DUXA: variants seen among roughly 807,000 people sequenced by gnomAD.
DUXA encodes the protein double homeobox A, also known as double homeobox protein A.
DUXA carries 25 observed loss-of-function variants against 27.5 expected under a neutral mutation model. That is an observed-to-expected ratio of 0.91 (90% CI 0.66 to 1.27). The LOEUF is 1.27. Among genes scored for constraint, DUXA ranks in the 50% most tolerant of loss-of-function variants. The pLI is 0.00. For synonymous variants in DUXA, 90 were observed against 80.5 expected (o/e 1.12, Z -0.63); for missense variants, 247 against 242.9 (o/e 1.02, Z -0.11).
rs528250904 is a variant in DUXA at position 57,161,449 on chromosome 19, C to T, written c.26-652G>A. Among the ~76,000 whole-genome samples, 755 of 149,850 alleles carry T rather than the reference C, an allele frequency of 5.0e-3. 20 individuals carry two copies. The highest frequency in any genetic ancestry group is 0.017 in the African/African-American group (690 of 39,976). ...CCATCCTGGCTAACATGATGAAACC[C>T]CGTCTCTACTAAAAATACAAAAAAT... is the stretch of plus-strand genomic sequence containing the variant. On this transcript the variant is annotated intron_variant, in intron 1 of 5. Coordinates refer to ENST00000554048, the MANE Select transcript of DUXA (RefSeq NM_001012729.2).
At chr19:57,161,558 G>A (rs1266863815) in intron 1 of DUXA, among the ~76,000 whole-genome samples, 5 of 151,180 alleles carry the variant, frequency 3.3e-5, no homozygotes, top group African/African-American at 4.9e-5. Flanking sequence ...GGGAGGCGGA[G>A]CTTGCAGTGA....
Position 57,167,465 on chromosome 19 carries a change from C to T in DUXA, c.-22G>A. The T allele has an allele frequency of 6.2e-7, 1 of 1,612,584 alleles. No individual in the cohort carries two copies. Among genetic ancestry groups the T allele is most frequent in the East Asian group, 2.2e-5 (1 of 44,814 alleles). On this transcript the variant is annotated 5_prime_UTR_variant, in exon 1 of 6. Coordinates refer to ENST00000554048, the MANE Select transcript of DUXA (RefSeq NM_001012729.2). Reference sequence around the variant, plus strand: ...CCATGCTGGAAGAGAGTCCTGAAGGCTGAGCCACTGTCTGGGAGACAAGTC... The same window carrying T: ...CCATGCTGGAAGAGAGTCCTGAAGGTTGAGCCACTGTCTGGGAGACAAGTC...
chr19:57,162,893 C>A (rs1044543774), intron 1 of DUXA, among the ~76,000 whole-genome samples: 1 of 151,984 alleles, frequency 6.6e-6, no homozygotes, highest in African/African-American at 2.4e-5. Context: ...CTGTATTTCA[C>A]TGAAGGGGGA....
At chr19:57,163,204 T>C (rs191858229) in intron 1 of DUXA, among the ~76,000 whole-genome samples, 1 of 152,124 alleles carries the variant, frequency 6.6e-6, no homozygotes, top group Non-Finnish European at 1.5e-5. Flanking sequence ...ATCACCTTGC[T>C]CAGGTCTCAG....
intron 1 of DUXA, among the ~76,000 whole-genome samples, chr19:57,162,877 G>A (rs948878395): frequency 1.3e-5 from 2 of 151,854 alleles, no homozygotes; most frequent in African/African-American, 2.4e-5. Flanking sequence ...CCTGGCCCCT[G>A]GTCCACTGTA....
rs769286062 is a variant in DUXA at position 57,159,294 on chromosome 19, A to T, written c.181-16T>A. The T allele has an allele frequency of 1.2e-6, 2 of 1,607,620 alleles. No homozygotes were observed. Among genetic ancestry groups the T allele is most frequent in the East Asian group, 2.2e-5 (1 of 44,864 alleles). On this transcript the variant is annotated splice_polypyrimidine_tract_variant and intron_variant, in intron 2 of 5. Transcript: ENST00000554048. ...GAAACCAAATCTAAGTGAGGAAAAGAAAAGGAGAGAATTACGTGTTAATGT... is the reference window on the plus strand; with the variant it reads ...GAAACCAAATCTAAGTGAGGAAAAGTAAAGGAGAGAATTACGTGTTAATGT...
chr19:57,154,179 T>C lies in DUXA; in HGVS notation c.*233A>G. The C allele has an allele frequency of 4.4e-6, 2 of 453,928 alleles. No homozygotes were observed. Among genetic ancestry groups the C allele is most frequent in the South Asian group, 2.5e-5 (1 of 39,374 alleles). The allele number at this position is 453,928 out of a possible 1,614,324, so 28.1% of individuals were successfully genotyped here. ...TTGTTTTTTTATAATAGAGGCAGAG[T>C]CTTGCTATATGTTGTCCAGGCTGGT... On this transcript the variant is annotated 3_prime_UTR_variant, in exon 6 of 6. Coordinates refer to ENST00000554048, the MANE Select transcript of DUXA (RefSeq NM_001012729.2).
chr19:57,164,035 G>C (rs2087038271), intron 1 of DUXA, among the ~76,000 whole-genome samples: 1 of 152,078 alleles, frequency 6.6e-6, no homozygotes, highest in South Asian at 2.1e-4. Flanking sequence ...GGGCAACATA[G>C]TGAGACACCA....
intron 1 of DUXA, among the ~76,000 whole-genome samples, chr19:57,161,427 T>C (rs572637772): frequency 2.7e-5 from 4 of 146,150 alleles, no homozygotes; most frequent in African/African-American, 5.2e-5. Context: ...ATCGAGACCA[T>C]CCTGGCTAAC....
At position 57,160,777 on chromosome 19, in the gene DUXA, T is replaced by C. The variant is rs2087016722; in HGVS notation, c.46A>G (p.Arg16Gly). 1 of 1,614,134 alleles carries C rather than the reference T, an allele frequency of 6.2e-7. No homozygotes were observed. The highest frequency in any genetic ancestry group is 8.5e-7 in the Non-Finnish European group (1 of 1,180,028). The change falls in exon 2 of 6, where the codon AGG becomes GGG. Residue 16 changes from arginine to glycine, a missense_variant. Physicochemically the swap from Arg to Gly is moderately radical, Grantham distance 125. Transcript: ENST00000554048. ...YSHKMVKTNH[R>G]RCRTKFTEEQ... Reference sequence around the variant, plus strand: ...TCTGTGAATTTTGTGCGACAGCGCCTATGATTTGTTTTTACCATCTCTGTA... The same window carrying C: ...TCTGTGAATTTTGTGCGACAGCGCCCATGATTTGTTTTTACCATCTCTGTA...
Position 57,155,266 on chromosome 19 carries a change from C to T in DUXA, c.544+1G>A, listed in dbSNP as rs532749484. The stretch of plus-strand genomic sequence containing the variant: ...CACATTGGAAACAACAGGCTAGTTA[C>T]CTTGCAGTCCCTCAGGAATCTTGCC... On this transcript the variant is annotated splice_donor_variant, in intron 5 of 5. Coordinates refer to ENST00000554048, the MANE Select transcript of DUXA (RefSeq NM_001012729.2). LOFTEE classifies it high-confidence loss of function. The T allele has an allele frequency of 2.5e-6, 4 of 1,613,872 alleles. No homozygotes were observed. The Admixed American group carries it at 5.0e-5, about 20-fold the overall frequency.
In DUXA at chr19:57,159,168, T is replaced by C. The variant is rs139535837; in HGVS notation, c.291A>G (p.Gln97=). The C allele has an allele frequency of 5.6e-6, 9 of 1,612,776 alleles. No individual in the cohort carries two copies. In the African/African-American group the frequency reaches 1.1e-4, roughly 19 times the overall value. The change falls in exon 3 of 6, where the codon CAA becomes CAG. Residue 97 remains glutamine (Q), a splice_region_variant and synonymous_variant. Transcript: ENST00000554048. ...QGQDQPGVEF[Q]SREARRCRTT... ...AACAGAACTAAGAGGGTTATTTACT[T>C]TGAAACTCCACACCAGGTTGATCTT...
intron 1 of DUXA, among the ~76,000 whole-genome samples, chr19:57,162,639 G>C (rs2087030218): frequency 6.6e-6 from 1 of 152,018 alleles, no homozygotes; most frequent in Non-Finnish European, 1.5e-5. Context: ...CAATGGTGCA[G>C]TCTCGGCTCA....
chr19:57,161,324 C>CA lies in DUXA; in HGVS notation c.26-528dup, dbSNP rs71186230. Reference sequence around the variant, plus strand: ...TGGGTAACAGAGTGAGACTCTATCTCAAAAAAAAAAAAAAAAAAACTGGGC... The same window carrying CA: ...TGGGTAACAGAGTGAGACTCTATCTCAAAAAAAAAAAAAAAAAAAACTGGGC... On this transcript the variant is annotated intron_variant, in intron 1 of 5. Transcript: ENST00000554048. 5.7e-3 allele frequency among the ~76,000 whole-genome samples: 269 copies of CA among 47,370 alleles called. 18 individuals carry two copies. Among genetic ancestry groups the CA allele is most frequent in the South Asian group, 0.027 (29 of 1,092 alleles). The allele number at this position is 47,370 out of a possible 152,430, so 31.1% of individuals were successfully genotyped here.
In DUXA at chr19:57,167,436, T is replaced by C. The variant is rs760061563; in HGVS notation, c.8A>G (p.Glu3Gly). Residue 3 changes from glutamate to glycine, a missense_variant, in exon 1 of 6, where the codon GAA (glutamate) becomes GGA (glycine). Physicochemically the swap from Glu to Gly is moderately conservative, Grantham distance 98. Coordinates refer to ENST00000554048, the MANE Select transcript of DUXA (RefSeq NM_001012729.2). ...GAACTTACTGTGTGAATAGGTGTCT[T>C]CGGCCATGCTGGAAGAGAGTCCTGA... MA[E>G]DTYSHKMVKT... 3 of 1,613,748 alleles carry C rather than the reference T, an allele frequency of 1.9e-6. No individual in the cohort carries two copies. The highest frequency in any genetic ancestry group is 2.5e-6 in the Non-Finnish European group (3 of 1,179,908).
intron 1 of DUXA, among the ~76,000 whole-genome samples, chr19:57,161,385 A>C (rs1245044286): frequency 1.4e-5 from 2 of 142,258 alleles, no homozygotes; most frequent in Non-Finnish European, 3.0e-5. Context: ...GCACTTTGGG[A>C]GGCCGAGGCG....
intron 4 of DUXA, among the ~76,000 whole-genome samples, chr19:57,156,034 C>T (rs908948830): frequency 6.6e-6 from 1 of 152,160 alleles, no homozygotes; most frequent in African/African-American, 2.4e-5. Context: ...ACCCAAAATT[C>T]TGAAACTCAC....
chr19:57,165,989 T>A (rs894800672), intron 1 of DUXA, among the ~76,000 whole-genome samples: 2 of 151,328 alleles, frequency 1.3e-5, no homozygotes, highest in Non-Finnish European at 2.9e-5. Context: ...AGGGGTGAGG[T>A]CACAGTTCTA....
rs2086987789 is a variant in DUXA, at chr19:57,155,386, C to T, written c.439-14G>A. 9 of 1,568,266 alleles carry T rather than the reference C, an allele frequency of 5.7e-6. No individual in the cohort carries two copies. Among genetic ancestry groups the T allele is most frequent in the Admixed American group, 3.4e-5 (2 of 59,254 alleles). On this transcript the variant is annotated splice_polypyrimidine_tract_variant and intron_variant, in intron 4 of 5. Transcript: ENST00000554048. Reference sequence around the variant, plus strand: ...TTGGAACCAAATCTAAGTGGTAAGACAAAGAAACTTAATTTAAACAAAGAA... The same window carrying T: ...TTGGAACCAAATCTAAGTGGTAAGATAAAGAAACTTAATTTAAACAAAGAA...
Sources: allele counts gnomAD v4.1 joint callset (sites outside exome capture counted in the v4.1 genomes callset), GRCh38; gene constraint gnomAD v4.1.1; transcripts MANE v1.5; gene names NCBI Gene and HGNC (gene_info 2026-07-23, HGNC 2026-07-21).